Variants in PPM1F observed in about 807,000 individuals in gnomAD.
PPM1F encodes the protein protein phosphatase 1F.
In PPM1F, 17 loss-of-function variants were observed where a neutral mutation model predicts 35.5. The observed-to-expected ratio is 0.48, with a 90% CI of 0.33 to 0.72. PPM1F has a LOEUF of 0.72. PPM1F is among the 30% of genes least tolerant of loss of function. The pLI, the probability that PPM1F is intolerant of heterozygous loss-of-function variation, is 0.02. For missense variants in PPM1F, 521 were observed against 613.0 expected (o/e 0.85, Z 1.59); for synonymous variants, 241 against 255.5 (o/e 0.94, Z 0.54).
chr22:21,931,297 G>C lies in PPM1F; in HGVS notation c.748-6C>G. ...GTGGTGCCGCTCTGCAGCCGCTGCA[G>C]GGAGAGAGGGCCCATGAGAGTTGAG... On this transcript the variant is annotated splice_region_variant and splice_polypyrimidine_tract_variant and intron_variant, in intron 5 of 7. Coordinates refer to ENST00000263212, the MANE Select transcript of PPM1F (RefSeq NM_014634.4). The C allele has an allele frequency of 1.2e-6, 2 of 1,610,976 alleles. No homozygotes were observed. Among genetic ancestry groups the C allele is most frequent in the East Asian group, 2.2e-5 (1 of 44,866 alleles).
At chr22:21,933,962 G>A in intron 4 of PPM1F, 62 bp downstream of exon 4, 1 of 1,475,476 alleles carries the variant, frequency 6.8e-7, no homozygotes, top group Non-Finnish European at 9.1e-7. Context: ...GGTACCTGGG[G>A]GGCCCCCACC....
rs1195728985 is a variant in PPM1F, at chr22:21,919,576, A to T, written c.*3516T>A. ...TTGCACAGGAACACAACTCCCATGCAGGAGAAGCCCACCGAGACGAACGCA... is the reference window on the plus strand; with the variant it reads ...TTGCACAGGAACACAACTCCCATGCTGGAGAAGCCCACCGAGACGAACGCA... On this transcript the variant is annotated 3_prime_UTR_variant, in exon 8 of 8. Transcript: ENST00000263212. 6.6e-6 allele frequency: 1 copy of T among 152,078 alleles called. No homozygotes were observed. The highest frequency in any genetic ancestry group is 1.5e-5 in the Non-Finnish European group (1 of 67,902). The allele number at this position is 152,078 out of a possible 1,614,324, so 9.4% of individuals were successfully genotyped here.
intron 2 of PPM1F, chr22:21,943,313 C>T (rs1319755746): frequency 6.6e-6 from 1 of 152,074 alleles, no homozygotes; most frequent in Non-Finnish European, 1.5e-5. Flanking sequence ...AGGCTCAGAC[C>T]CCAAGTGCTG....
chr22:21,925,377 C>CA (rs2070499861), intron 7 of PPM1F, 192 bp downstream of exon 7: 1 of 563,804 alleles, frequency 1.8e-6, no homozygotes. Context: ...AACTTACACT[C>CA]AGACACTGGT....
chr22:21,938,623 C>T (rs240066), intron 3 of PPM1F: 5 of 1,016,056 alleles, frequency 4.9e-6, no homozygotes, highest in Non-Finnish European at 4.7e-6. Context: ...AGGAAATGGC[C>T]GACAGGAAAT....
At chr22:21,952,396 G>C (rs1242873897) in intron 1 of PPM1F, 2 of 152,378 alleles carry the variant, frequency 1.3e-5, no homozygotes, top group Non-Finnish European at 2.9e-5. Flanking sequence ...GAGGCTCCTG[G>C]GGGGTGGGGA....
Position 21,939,737 on chromosome 22 carries a change from C to T in PPM1F, c.207-57G>A. The T allele has an allele frequency of 6.5e-7, 1 of 1,541,324 alleles. No individual in the cohort carries two copies. The highest frequency in any genetic ancestry group is 8.8e-7 in the Non-Finnish European group (1 of 1,140,342). On this transcript the variant is annotated intron_variant, in intron 2 of 7. Transcript: ENST00000263212. This position sits in a 1 kb window ranked among gnomAD's most constrained non-coding sequence, Gnocchi z 5.1. The stretch of plus-strand genomic sequence containing the variant: ...CCCCCAGCAGGAGACCACACCTAGC[C>T]CCCCTTCCCCAACTGTCAGCCCACA...
chr22:21,923,075 A>G lies in PPM1F; in HGVS notation c.*17T>C. The G allele has an allele frequency of 6.3e-7, 1 of 1,579,036 alleles. No homozygotes were observed. The highest frequency in any genetic ancestry group is 8.6e-7 in the Non-Finnish European group (1 of 1,163,646). On this transcript the variant is annotated 3_prime_UTR_variant, in exon 8 of 8. Coordinates refer to ENST00000263212, the MANE Select transcript of PPM1F (RefSeq NM_014634.4). ...ACAAGGATGGGAGGAAGGGGAGGGC[A>G]GGGGCCTGGAAACCACCTAGCTTCT...
At position 21,931,220 on chromosome 22, in the gene PPM1F, C is replaced by T. The variant is rs1414282499; in HGVS notation, c.819G>A (p.Gly273=). The T allele has an allele frequency of 6.2e-7, 1 of 1,614,152 alleles. No homozygotes were observed. Among genetic ancestry groups the T allele is most frequent in the Non-Finnish European group, 8.5e-7 (1 of 1,180,042 alleles). ...GCTGTACCAAAATGACCTGGGAATC[C>T]CCGAGCCAGGCGACGTGCAGGGTCG... ...AGATLHVAWL[G]DSQVILVQQG... is the part of the protein sequence containing the mutation. The change falls in exon 6 of 8, where the codon GGG becomes GGA. Residue 273 remains glycine, a synonymous_variant. Coordinates refer to ENST00000263212, the MANE Select transcript of PPM1F (RefSeq NM_014634.4).
Position 21,938,548 on chromosome 22 carries a change from G to A in PPM1F, c.355+984C>T, listed in dbSNP as rs952629252. ...CCTTGTTCCTTTTCCCCGGATGCAC[G>A]CATGCACTAGTAATGCCGAATTTAG... On this transcript the variant is annotated intron_variant, in intron 3 of 7. Coordinates refer to ENST00000263212, the MANE Select transcript of PPM1F (RefSeq NM_014634.4). The A allele has an allele frequency of 9.3e-5, 100 of 1,070,860 alleles. 1 individual carries two copies. In the Admixed American group the frequency reaches 4.8e-3, roughly 52 times the overall value. The allele number at this position is 1,070,860 out of a possible 1,614,324, so 66.3% of individuals were successfully genotyped here.
Position 21,946,073 on chromosome 22 carries a change from A to G in PPM1F, c.-25T>C. On this transcript the variant is annotated 5_prime_UTR_variant, in exon 2 of 8. Transcript: ENST00000263212. ...TGCCCAAAGCATCCCGGGGGCCTGC[A>G]GCTAGGCCAGGGCAAGAGGGTCTCC... 1 of 1,493,342 alleles carries G rather than the reference A, an allele frequency of 6.7e-7. No individual in the cohort carries two copies. Among genetic ancestry groups the G allele is most frequent in the Non-Finnish European group, 8.9e-7 (1 of 1,118,934 alleles). The allele number at this position is 1,493,342 out of a possible 1,614,324, so 92.5% of individuals were successfully genotyped here.
chr22:21,928,063 C>T (rs1306182067), intron 6 of PPM1F, among the ~76,000 whole-genome samples: 1 of 146,330 alleles, frequency 6.8e-6, no homozygotes, highest in African/African-American at 2.5e-5. Context: ...AAGCCATCTC[C>T]TGCCTTCGCC....
At chr22:21,932,518 G>A (rs1390751924) in intron 5 of PPM1F, among the ~76,000 whole-genome samples, 1 of 152,140 alleles carries the variant, frequency 6.6e-6, no homozygotes, top group Non-Finnish European at 1.5e-5. Flanking sequence ...TCACTGGGGC[G>A]GGTCTTTTAA....
intron 2 of PPM1F, 89 bp downstream of exon 2, chr22:21,945,754 G>T: frequency 7.4e-7 from 1 of 1,355,290 alleles, no homozygotes; most frequent in Non-Finnish European, 1.0e-6. Context: ...GTGTGGGGCT[G>T]GACGTGTAGG....
chr22:21,931,078 G>A (rs1440720307), intron 6 of PPM1F, 70 bp downstream of exon 6: 1 of 1,581,048 alleles, frequency 6.3e-7, no homozygotes, highest in Non-Finnish European at 8.6e-7. Flanking sequence ...AGGCTGGGTG[G>A]GGTTCCCCTA....
chr22:21,931,099 A>G, intron 6 of PPM1F, 49 bp downstream of exon 6: 1 of 1,607,452 alleles, frequency 6.2e-7, no homozygotes, highest in Non-Finnish European at 8.5e-7. Context: ...TGGGCCCAGC[A>G]TGATGGAGGC....
rs773849385 is a variant in PPM1F at position 21,931,300 on chromosome 22, A to G, written c.748-9T>C. On this transcript the variant is annotated splice_polypyrimidine_tract_variant and intron_variant, in intron 5 of 7. Coordinates refer to ENST00000263212, the MANE Select transcript of PPM1F (RefSeq NM_014634.4). The stretch of plus-strand genomic sequence containing the variant: ...GTGCCGCTCTGCAGCCGCTGCAGGG[A>G]GAGAGGGCCCATGAGAGTTGAGAGG... 2.4e-4 allele frequency: 389 copies of G among 1,610,300 alleles called. 1 individual carries two copies. The highest frequency in any genetic ancestry group is 2.1e-4 in the Non-Finnish European group (242 of 1,179,482).
At chr22:21,944,863 C>T (rs902149597) in intron 2 of PPM1F, 1 of 152,290 alleles carries the variant, frequency 6.6e-6, no homozygotes, top group Admixed American at 6.5e-5. Flanking sequence ...ACACCCAACT[C>T]TCTATCTTCC....
rs917204354 is a variant in PPM1F at position 21,926,132 on chromosome 22, C to CTTT, written c.892-473_892-471dup. On this transcript the variant is annotated intron_variant, in intron 6 of 7. Transcript: ENST00000263212. ...GACGGCAGCCTGTGCCCGCCCAGTT[C>CTTT]TTTTTTTTTTTTTTTTTTGAGACAG... The CTTT allele has an allele frequency of 1.0e-3, 137 of 131,430 alleles. 1 individual carries two copies. Among genetic ancestry groups the CTTT allele is most frequent in the Non-Finnish European group, 9.5e-4 (59 of 62,272 alleles). 8.1% of individuals were successfully genotyped at this position (131,430 alleles called of 1,614,324 possible).
Sources: allele counts gnomAD v4.1 joint callset (sites outside exome capture counted in the v4.1 genomes callset), GRCh38; gene constraint gnomAD v4.1.1; non-coding constraint Gnocchi (gnomAD v3.1); transcripts MANE v1.5; gene names NCBI Gene and HGNC (gene_info 2026-07-23, HGNC 2026-07-21).